The following SAMD3 variants were observed in gnomAD, a reference collection of about 807,000 sequenced individuals.
SAMD3 encodes the protein sterile alpha motif domain-containing protein 3.
A neutral mutation model predicts 58.5 loss-of-function variants in SAMD3; 63 were observed. The ratio of observed to expected loss-of-function variants is 1.08; its 90% CI spans 0.88 to 1.33. SAMD3 has a LOEUF of 1.33. SAMD3 is among the 40% of genes most tolerant of loss of function. The probability of loss-of-function intolerance (pLI) is 0.00; values close to 1 mark genes in which losing one functional copy is unlikely to be tolerated. For missense variants in SAMD3, 604 were observed against 608.4 expected, an observed-to-expected ratio of 0.99 and a Z score of 0.08; for synonymous variants, 220 against 210.3, an observed-to-expected ratio of 1.05 and a Z score of -0.40.
In SAMD3 at chr6:130,357,186, G is replaced by A. The variant is rs906536408; in HGVS notation, c.-304+7934C>T. Among the ~76,000 whole-genome samples the A allele has an allele frequency of 1.2e-3, 174 of 141,190 alleles. 1 individual carries two copies. The highest frequency in any genetic ancestry group is 4.5e-3 in the African/African-American group (168 of 37,398). 92.6% of individuals were successfully genotyped at this position (141,190 alleles called of 152,430 possible). ...GTCACCCAGGCTGGAGTGCAGTGGC[G>A]TGATCTTGGCTCACTGCAAGCTCCG... On this transcript the variant is annotated intron_variant, in intron 1 of 13. Coordinates refer to the SAMD3 transcript ENST00000368134.
chr6:130,272,007 G>A (rs2114937474), intron 2 of SAMD3, among the ~76,000 whole-genome samples: 1 of 152,286 alleles, frequency 6.6e-6, no homozygotes, highest in African/African-American at 2.4e-5. Context: ...TTTGGGTGGG[G>A]ACACAGCCAA....
upstream of SAMD3, chr6:130,365,546 C>T (rs1461983419): frequency 1.5e-5 from 15 of 985,244 alleles, no homozygotes; most frequent in Admixed American, 6.1e-5. Context: ...CCTGCGGTGC[C>T]TGCTCCGGGA....
At chr6:130,358,124 C>T (rs986056852) in intron 1 of SAMD3, among the ~76,000 whole-genome samples, 5 of 152,150 alleles carry the variant, frequency 3.3e-5, no homozygotes, top group African/African-American at 1.2e-4. Flanking sequence ...TTTTCTTTGA[C>T]ATAGAAGCAG....
At chr6:130,303,804 C>T (rs1775826602) in intron 2 of SAMD3, among the ~76,000 whole-genome samples, 1 of 152,164 alleles carries the variant, frequency 6.6e-6, no homozygotes, top group Admixed American at 6.5e-5. Flanking sequence ...TCTTTTAAAA[C>T]AATATATAAA....
intron 2 of SAMD3, among the ~76,000 whole-genome samples, chr6:130,264,943 G>A (rs972905260): frequency 6.6e-6 from 1 of 152,114 alleles, no homozygotes; most frequent in Non-Finnish European, 1.5e-5. Flanking sequence ...CAACTAGATG[G>A]GGTTTCCAAA....
chr6:130,333,776 G>A (rs556783195), intron 1 of SAMD3, among the ~76,000 whole-genome samples: 1 of 152,322 alleles, frequency 6.6e-6, no homozygotes, highest in Non-Finnish European at 1.5e-5. Flanking sequence ...GAGAAAGAGA[G>A]TTTCATCTCT....
At chr6:130,221,940 TACC>T (rs1796241704) in intron 1 of SAMD3, among the ~76,000 whole-genome samples, 2 of 152,346 alleles carry the variant, frequency 1.3e-5, no homozygotes, top group South Asian at 4.1e-4. Context: ...AATAATTAAA[TACC>T]ATCTTCATTT....
At chr6:130,250,119 G>A (rs2114908108) in intron 2 of SAMD3, among the ~76,000 whole-genome samples, 1 of 152,268 alleles carries the variant, frequency 6.6e-6, no homozygotes, top group East Asian at 1.9e-4. Flanking sequence ...TATGGGTGTA[G>A]ACTGGAATCA....
chr6:130,274,989 G>A (rs898723764), intron 2 of SAMD3, among the ~76,000 whole-genome samples: 2 of 152,106 alleles, frequency 1.3e-5, no homozygotes, highest in African/African-American at 4.8e-5. Flanking sequence ...CTGCTGACCA[G>A]CAGTACTGGC....
At chr6:130,178,088 C>A (rs1791906634) in intron 7 of SAMD3, among the ~76,000 whole-genome samples, 1 of 152,140 alleles carries the variant, frequency 6.6e-6, no homozygotes, top group African/African-American at 2.4e-5. Flanking sequence ...GATTCTCCTG[C>A]CTCAGCCTCC....
intron 5 of SAMD3, among the ~76,000 whole-genome samples, chr6:130,200,655 ATG>A (rs1794578100): frequency 6.6e-6 from 1 of 152,028 alleles, no homozygotes; most frequent in Non-Finnish European, 1.5e-5. Flanking sequence ...AAGTGTTAAA[ATG>A]TGTTTTAATT....
At chr6:130,198,861 C>T (rs972468909) in intron 5 of SAMD3, among the ~76,000 whole-genome samples, 6 of 152,162 alleles carry the variant, frequency 3.9e-5, no homozygotes, top group African/African-American at 1.4e-4. Flanking sequence ...CCCCATGTGG[C>T]TTTATGGGAC....
At chr6:130,279,217 A>G (rs186729332) in intron 2 of SAMD3, among the ~76,000 whole-genome samples, 98 of 152,208 alleles carry the variant, frequency 6.4e-4, no homozygotes, top group African/African-American at 2.3e-3. Flanking sequence ...GTCCCCCACT[A>G]AATATCATCT....
chr6:130,176,437 C>T (rs1791737557), intron 7 of SAMD3, among the ~76,000 whole-genome samples: 1 of 152,122 alleles, frequency 6.6e-6, no homozygotes, highest in African/African-American at 2.4e-5. Flanking sequence ...AATTTCCTGT[C>T]ATCTTTTGAA....
chr6:130,215,465 A>G (rs746172029), intron 2 of SAMD3, 171 bp from the exon 3 acceptor site: 361 of 1,318,922 alleles, frequency 2.7e-4, no homozygotes, highest in Non-Finnish European at 3.2e-4. Flanking sequence ...AACAAAACAC[A>G]CACTCACTTT....
chr6:130,280,956 A>G (rs184023678), intron 2 of SAMD3, among the ~76,000 whole-genome samples: 65 of 152,348 alleles, frequency 4.3e-4, no homozygotes, highest in African/African-American at 1.5e-3. Context: ...GCCTGAAACC[A>G]TGGATAGTAT....
At chr6:130,237,770 T>C (rs1177681716) in intron 2 of SAMD3, among the ~76,000 whole-genome samples, 1 of 152,144 alleles carries the variant, frequency 6.6e-6, no homozygotes, top group Non-Finnish European at 1.5e-5. Context: ...AAACAAGGGA[T>C]TGTGTCTAAA....
chr6:130,212,644 A>T (rs1400949717), intron 4 of SAMD3, among the ~76,000 whole-genome samples: 1 of 152,260 alleles, frequency 6.6e-6, no homozygotes, highest in Non-Finnish European at 1.5e-5. Context: ...CCAAGTCAGT[A>T]GTAGAACCAG....
intron 1 of SAMD3, among the ~76,000 whole-genome samples, chr6:130,319,173 C>T (rs1156915355): frequency 6.6e-6 from 1 of 151,948 alleles, no homozygotes; most frequent in Non-Finnish European, 1.5e-5. Context: ...CAAACTAATA[C>T]AGGAGAATTT....
Sources: gnomAD v4.1 joint callset for allele counts (sites outside exome capture counted in the v4.1 genomes callset) on GRCh38, gnomAD v4.1.1 for gene constraint, MANE v1.5 for transcripts, NCBI Gene and HGNC (gene_info 2026-07-23, HGNC 2026-07-21) for gene names.